The following ZNF100 variants were observed in gnomAD, a reference collection of about 807,000 sequenced individuals.
The protein encoded by ZNF100 is zinc finger protein 100 (Y1).
In ZNF100, 12 loss-of-function variants were observed where a neutral mutation model predicts 15.8. The ratio of observed to expected loss-of-function variants is 0.76; its 90% CI spans 0.49 to 1.23. ZNF100 has a LOEUF of 1.23. Among genes scored for constraint, ZNF100 ranks in the 50% most tolerant of loss-of-function variants. The pLI is 0.00. For synonymous variants in ZNF100, 226 were observed against 214.8 expected, an observed-to-expected ratio of 1.05 and a Z score of -0.45; for missense variants, 670 against 635.6, an observed-to-expected ratio of 1.05 and a Z score of -0.58.
At position 21,727,567 on chromosome 19, in the gene ZNF100, T is replaced by C. The variant is rs183260631; in HGVS notation, c.745A>G (p.Thr249Ala). The change falls in exon 5 of 5, where the codon ACT becomes GCT. Residue 249 changes from threonine to alanine, a missense_variant. By Grantham distance (58) the Thr-to-Ala change is moderately conservative. Coordinates refer to ENST00000358296, the MANE Select transcript of ZNF100 (RefSeq NM_173531.4). ...CCAGTATGAATTCTCCTGTGTGTAGTAAGGGTTGAGAACCAGTTGAAGGCT... is the reference window on the plus strand; with the variant it reads ...CCAGTATGAATTCTCCTGTGTGTAGCAAGGGTTGAGAACCAGTTGAAGGCT... ...GKAFNWFSTL[T>A]THRRIHTGEK... 130 of 1,613,748 alleles carry C rather than the reference T, an allele frequency of 8.1e-5. No individual in the cohort carries two copies. The Admixed American group carries it at 1.0e-3, about 13-fold the overall frequency.
chr19:21,753,637 T>C (rs1359770571), intron 2 of ZNF100: 1 of 152,200 alleles, frequency 6.6e-6, no homozygotes, highest in Non-Finnish European at 1.5e-5. Flanking sequence ...GTAGCACTTC[T>C]ACAAGTATCA....
At chr19:21,746,604 G>A (rs2036215516) in intron 2 of ZNF100, among the ~76,000 whole-genome samples, 1 of 152,030 alleles carries the variant, frequency 6.6e-6, no homozygotes, top group African/African-American at 2.4e-5. Context: ...ATTCTGCATG[G>A]CATATAAGAA....
intron 2 of ZNF100, chr19:21,753,342 G>A (rs2036340947): frequency 6.6e-6 from 1 of 152,204 alleles, no homozygotes; most frequent in Admixed American, 6.5e-5. Context: ...GGGAGGCTGA[G>A]GTGGGAGGAT....
At chr19:21,766,085 GAT>G (rs773962076) in intron 1 of ZNF100, among the ~76,000 whole-genome samples, 1 of 152,130 alleles carries the variant, frequency 6.6e-6, no homozygotes, top group Non-Finnish European at 1.5e-5. Context: ...TTTACAAGCG[GAT>G]AACACATCTT....
chr19:21,730,554 A>C (rs1448884328), intron 4 of ZNF100, among the ~76,000 whole-genome samples: 1 of 152,054 alleles, frequency 6.6e-6, no homozygotes, highest in Non-Finnish European at 1.5e-5. Flanking sequence ...GCAATACTAT[A>C]GTAGGACATT....
intron 2 of ZNF100, among the ~76,000 whole-genome samples, chr19:21,747,822 G>A (rs1305868559): frequency 1.3e-5 from 2 of 152,204 alleles, no homozygotes; most frequent in African/African-American, 4.8e-5. Flanking sequence ...GTGCTCAAGA[G>A]TACAATATAG....
At chr19:21,739,061 C>G (rs185550837) in intron 4 of ZNF100, among the ~76,000 whole-genome samples, 45 of 152,310 alleles carry the variant, frequency 3.0e-4, no homozygotes, top group African/African-American at 1.1e-3. Flanking sequence ...AAATTCGTCC[C>G]CATGACCTAA....
At chr19:21,742,940 A>G (rs1048032971) in intron 4 of ZNF100, 2 of 152,182 alleles carry the variant, frequency 1.3e-5, no homozygotes, top group Admixed American at 6.5e-5. Context: ...AATAAAAGAT[A>G]TAAGATAGAC....
intron 2 of ZNF100, among the ~76,000 whole-genome samples, chr19:21,758,507 T>A (rs567618631): frequency 1.9e-4 from 29 of 152,330 alleles, no homozygotes; most frequent in Non-Finnish European, 4.4e-5. Flanking sequence ...GTACTCTGAT[T>A]TATTTCTGGG....
intron 2 of ZNF100, among the ~76,000 whole-genome samples, chr19:21,757,131 T>C (rs189777706): frequency 2.6e-4 from 40 of 152,166 alleles, no homozygotes; most frequent in African/African-American, 8.2e-4. Context: ...GGTGAAACCC[T>C]GTCTCCACTA....
chr19:21,728,054 T>C, intron 4 of ZNF100, 65 bp from the exon 5 acceptor site: 1 of 1,351,684 alleles, frequency 7.4e-7, no homozygotes. Flanking sequence ...AAATCTAACC[T>C]CTAATATACA....
chr19:21,736,280 G>A lies in ZNF100; in HGVS notation c.322+7737C>T, dbSNP rs1240450207. Among the ~76,000 whole-genome samples, 3 of 151,882 alleles carry A rather than the reference G, an allele frequency of 2.0e-5. No homozygotes were observed. The East Asian group carries it at 5.8e-4, about 30-fold the overall frequency. On this transcript the variant is annotated intron_variant, in intron 4 of 4. Transcript: ENST00000358296. ...TTTTTGTATTTTTAATAGAGACAGA[G>A]TTTCACCATGTCTAGGCTGGTCTCA... is the stretch of plus-strand genomic sequence containing the variant.
intron 4 of ZNF100, 132 bp downstream of exon 4, chr19:21,743,885 C>T: frequency 3.0e-6 from 1 of 333,820 alleles, no homozygotes; most frequent in African/African-American, 2.9e-5. Context: ...GCCCAAAAAA[C>T]AAAAACACTC....
chr19:21,727,520 T>C lies in ZNF100; in HGVS notation c.792A>G (p.Glu264=), dbSNP rs2145681889. ...ACCGGTTAAATGCTTTCCCACATTC[T>C]TCACATTTGTAGGGTTTCTCTCCAG... is the stretch of plus-strand genomic sequence containing the variant. ...IHTGEKPYKC[E]ECGKAFNRSS... The change falls in exon 5 of 5, where the codon GAA becomes GAG. Residue 264 remains glutamate, a synonymous_variant. Coordinates refer to ENST00000358296, the MANE Select transcript of ZNF100 (RefSeq NM_173531.4). The C allele has an allele frequency of 6.2e-7, 1 of 1,613,780 alleles. No homozygotes were observed. The highest frequency in any genetic ancestry group is 1.3e-5 in the African/African-American group (1 of 75,054).
At chr19:21,752,948 C>T (rs1283826994) in intron 2 of ZNF100, 1 of 152,242 alleles carries the variant, frequency 6.6e-6, no homozygotes, top group African/African-American at 2.4e-5. Context: ...TCGCGCCATC[C>T]TCTAGCCTCG....
chr19:21,728,070 C>A, intron 4 of ZNF100, 81 bp from the exon 5 acceptor site: 1 of 1,244,764 alleles, frequency 8.0e-7, no homozygotes, highest in Admixed American at 3.6e-5. Flanking sequence ...ATACAAACTA[C>A]ATAAATAAGA....
chr19:21,765,747 T>C lies in ZNF100; in HGVS notation c.43A>G (p.Ser15Gly). 6.2e-7 allele frequency: 1 copy of C among 1,614,138 alleles called. No homozygotes were observed. Among genetic ancestry groups the C allele is most frequent in the Non-Finnish European group, 8.5e-7 (1 of 1,180,032 alleles). ...CTCCTCTCAGCCCCAGGGCATCCAC[T>C]TGCTCCCTTGAGAGGACACATTCCA... ...RYGMCPLKGA[S>G]GCPGAERSLL... The change falls in exon 2 of 5, where the codon AGT (serine) becomes GGT (glycine). Residue 15 changes from serine to glycine, a missense_variant. Coordinates refer to ENST00000358296, the MANE Select transcript of ZNF100 (RefSeq NM_173531.4).
chr19:21,748,113 G>A (rs1028288335), intron 2 of ZNF100, among the ~76,000 whole-genome samples: 2 of 152,160 alleles, frequency 1.3e-5, no homozygotes, highest in African/African-American at 2.4e-5. Context: ...TAGAAAACAA[G>A]CTGCTAAATG....
intron 4 of ZNF100, 130 bp from the exon 5 acceptor site, chr19:21,728,119 G>T: frequency 1.2e-5 from 10 of 827,596 alleles, no homozygotes; most frequent in South Asian, 9.5e-5. Flanking sequence ...TTCCTTTATA[G>T]ACATATAAAT....
Sources: gnomAD v4.1 joint callset for allele counts (sites outside exome capture counted in the v4.1 genomes callset) on GRCh38, gnomAD v4.1.1 for gene constraint, MANE v1.5 for transcripts, NCBI Gene and HGNC (gene_info 2026-07-23, HGNC 2026-07-21) for gene names.